The following TAFA1 variants were observed in gnomAD, a reference collection of about 807,000 sequenced individuals.
TAFA1 encodes the protein chemokine-like protein TAFA-1.
A neutral mutation model predicts 18.5 loss-of-function variants in TAFA1; 4 were observed. The ratio of observed to expected loss-of-function variants is 0.22; its 90% CI spans 0.11 to 0.49. TAFA1 has a LOEUF of 0.49. Among genes scored for constraint, TAFA1 ranks in the 20% least tolerant of loss-of-function variants. The pLI is 0.98. For missense variants in TAFA1, 147 were observed against 169.0 expected (o/e 0.87, Z 0.72); for synonymous variants, 56 against 55.2 (o/e 1.01, Z -0.06).
chr3:68,356,477 T>C (rs1199786322), intron 2 of TAFA1, among the ~76,000 whole-genome samples: 1 of 151,794 alleles, frequency 6.6e-6, no homozygotes, highest in African/African-American at 2.4e-5. Context: ...AAACAGCCAT[T>C]TTATGTAGCC....
intron 3 of TAFA1, among the ~76,000 whole-genome samples, chr3:68,436,909 T>C (rs1453529744): frequency 2.0e-5 from 3 of 152,204 alleles, no homozygotes; most frequent in Non-Finnish European, 4.4e-5. Context: ...TTTTGCCCAC[T>C]TTATTAGAAA....
chr3:68,152,129 A>G (rs2065813222), intron 2 of TAFA1, among the ~76,000 whole-genome samples: 1 of 152,192 alleles, frequency 6.6e-6, no homozygotes, highest in Non-Finnish European at 1.5e-5. Flanking sequence ...CCTTAGAAGC[A>G]GGATTTGAAA....
intron 3 of TAFA1, among the ~76,000 whole-genome samples, chr3:68,534,501 C>G (rs1309842506): frequency 6.6e-6 from 1 of 152,080 alleles, no homozygotes; most frequent in African/African-American, 2.4e-5. Context: ...ATTAGCAAAT[C>G]TGCAGGTTTA....
intron 2 of TAFA1, among the ~76,000 whole-genome samples, chr3:68,208,300 C>T (rs1056026712): frequency 1.3e-5 from 2 of 151,814 alleles, no homozygotes; most frequent in African/African-American, 4.8e-5. Context: ...TGATTGGAGT[C>T]GTGTTTTAGC....
intron 2 of TAFA1, among the ~76,000 whole-genome samples, chr3:68,375,768 T>C (rs2106647481): frequency 6.6e-6 from 1 of 152,336 alleles, no homozygotes; most frequent in Admixed American, 6.5e-5. Context: ...GATTCACATA[T>C]GCAGCCAAGT....
intron 2 of TAFA1, among the ~76,000 whole-genome samples, chr3:68,344,613 G>A (rs1013195623): frequency 6.6e-6 from 1 of 152,026 alleles, no homozygotes; most frequent in Admixed American, 6.6e-5. Flanking sequence ...AAGTAACCTC[G>A]ATTCTAGCCC....
At chr3:68,496,470 T>G (rs1849229) in intron 3 of TAFA1, among the ~76,000 whole-genome samples, 31,006 of 152,078 alleles carry the variant, frequency 0.2, 3,296 homozygotes, top group Middle Eastern at 0.24. Context: ...CACCTGGAGA[T>G]GTTACGTGTA....
chr3:68,009,900 C>T (rs1244834622), intron 2 of TAFA1, among the ~76,000 whole-genome samples: 2 of 152,090 alleles, frequency 1.3e-5, no homozygotes, highest in Non-Finnish European at 2.9e-5. Context: ...TGACAATCCA[C>T]CCCTAAATGA....
intron 2 of TAFA1, among the ~76,000 whole-genome samples, chr3:68,076,360 G>A (rs2106761143): frequency 6.6e-6 from 1 of 151,640 alleles, no homozygotes; most frequent in Middle Eastern, 3.4e-3. Flanking sequence ...ACATTGTGCA[G>A]GTTAGTTACA....
chr3:68,398,314 A>G (rs1319408704), intron 2 of TAFA1, among the ~76,000 whole-genome samples: 1 of 152,186 alleles, frequency 6.6e-6, no homozygotes, highest in Non-Finnish European at 1.5e-5. Flanking sequence ...AAAACAAGCA[A>G]TGGGGAAAGG....
chr3:68,137,029 A>G (rs1368326382), intron 2 of TAFA1, among the ~76,000 whole-genome samples: 1 of 152,218 alleles, frequency 6.6e-6, no homozygotes, highest in East Asian at 1.9e-4. Flanking sequence ...AAAAGAGAAG[A>G]CTGAAAGCAC....
intron 2 of TAFA1, among the ~76,000 whole-genome samples, chr3:68,263,435 C>CCACACACACACA (rs1273459888): frequency 3.1e-4 from 27 of 86,620 alleles, no homozygotes; most frequent in African/African-American, 9.3e-4. Flanking sequence ...GATACTTTAA[C>CCACACACACACA]CACACACACA....
intron 2 of TAFA1, among the ~76,000 whole-genome samples, chr3:68,099,062 A>T (rs889774239): frequency 5.3e-5 from 8 of 152,314 alleles, no homozygotes; most frequent in Non-Finnish European, 8.8e-5. Context: ...CTTATAAGAA[A>T]ACTTAGGAAA....
At chr3:68,388,666 G>A (rs1038031668) in intron 2 of TAFA1, among the ~76,000 whole-genome samples, 3 of 151,886 alleles carry the variant, frequency 2.0e-5, no homozygotes, top group African/African-American at 4.8e-5. Context: ...TTTGTCATAC[G>A]CTTTCGGCCT....
chr3:67,995,605 A>C, the TAFA1 span, among the ~76,000 whole-genome samples: 1 of 152,174 alleles, frequency 6.6e-6, no homozygotes, highest in African/African-American at 2.4e-5. Flanking sequence ...TCTCCATTAC[A>C]CTATGACAAA....
intron 3 of TAFA1, among the ~76,000 whole-genome samples, chr3:68,490,841 T>C (rs1426952505): frequency 4.3e-5 from 2 of 47,014 alleles, no homozygotes; most frequent in Non-Finnish European, 1.1e-4. Context: ...CTTTTTTTTC[T>C]TTTTTTTTTG....
intron 2 of TAFA1, among the ~76,000 whole-genome samples, chr3:68,087,281 G>T (rs1209621908): frequency 6.6e-6 from 1 of 152,068 alleles, no homozygotes; most frequent in Admixed American, 6.6e-5. Flanking sequence ...TTTTTTGTTG[G>T]TGGTGGTAGT....
intron 2 of TAFA1, among the ~76,000 whole-genome samples, chr3:68,369,481 G>T (rs2069637174): frequency 1.3e-5 from 2 of 152,170 alleles, no homozygotes; most frequent in Non-Finnish European, 2.9e-5. Flanking sequence ...ACAAATGATT[G>T]AAGTTAGCAA....
intron 2 of TAFA1, among the ~76,000 whole-genome samples, chr3:68,049,729 A>G (rs2064442444): frequency 6.6e-6 from 1 of 152,014 alleles, no homozygotes; most frequent in South Asian, 2.1e-4. Context: ...CTTGTCTGGC[A>G]ACACAGAAAT....
Sources: allele counts gnomAD v4.1 joint callset (sites outside exome capture counted in the v4.1 genomes callset), GRCh38; gene constraint gnomAD v4.1.1; transcripts MANE v1.5; gene names NCBI Gene and HGNC (gene_info 2026-07-23, HGNC 2026-07-21).